TMEM236: variants seen among roughly 807,000 people sequenced by gnomAD.
TMEM236 encodes the protein transmembrane protein 236.
TMEM236 carries 11 observed loss-of-function variants against 14.7 expected under a neutral mutation model. That is an observed-to-expected ratio of 0.75 (90% CI 0.47 to 1.24). The LOEUF (loss-of-function observed/expected upper bound fraction) is 1.24, where lower values mean the gene tolerates loss of function less well. Ranked by LOEUF, TMEM236 falls within the 50% of genes most tolerant of loss-of-function variation. The pLI is 0.00. For synonymous variants in TMEM236, 182 were observed against 168.6 expected (o/e 1.08, Z -0.62); for missense variants, 464 against 427.3 (o/e 1.09, Z -0.76).
At chr10:17,787,501 C>A (rs918712559) in intron 3 of TMEM236, among the ~76,000 whole-genome samples, 3 of 152,234 alleles carry the variant, frequency 2.0e-5, no homozygotes, top group Non-Finnish European at 4.4e-5. Flanking sequence ...CTACGGGAAC[C>A]AGAGTCAATG....
chr10:17,786,223 A>G (rs1233776835), intron 3 of TMEM236, among the ~76,000 whole-genome samples: 2 of 152,248 alleles, frequency 1.3e-5, no homozygotes, highest in Non-Finnish European at 2.9e-5. Flanking sequence ...GTGTTACTTT[A>G]TAATACCAAG....
chr10:17,768,845 A>C (rs1008221764), intron 1 of TMEM236, among the ~76,000 whole-genome samples: 1 of 152,090 alleles, frequency 6.6e-6, no homozygotes, highest in East Asian at 1.9e-4. Flanking sequence ...GACTAGGGTA[A>C]TAAGTTTCAG....
At chr10:17,754,509 T>C (rs1383620098) in intron 1 of TMEM236, among the ~76,000 whole-genome samples, 3 of 151,982 alleles carry the variant, frequency 2.0e-5, no homozygotes, top group African/African-American at 7.3e-5. Context: ...GTGTTTTTTA[T>C]AAAGATGAGG....
Position 17,796,654 on chromosome 10 carries a change from G to GTTT in TMEM236, c.*159_*161dup, listed in dbSNP as rs142466279. 105 of 565,120 alleles carry GTTT rather than the reference G, an allele frequency of 1.9e-4. No individual in the cohort carries two copies. The highest frequency in any genetic ancestry group is 9.5e-4 in the Middle Eastern group (2 of 2,114). 35.0% of individuals were successfully genotyped at this position (565,120 alleles called of 1,614,324 possible). ...CATTTTTACTAACTCTAGCATATCA[G>GTTT]TTTTTTTTTTTACATATACAAATGG... On this transcript the variant is annotated 3_prime_UTR_variant, in exon 4 of 4. Coordinates refer to ENST00000377495, the MANE Select transcript of TMEM236 (RefSeq NM_001098844.3).
At chr10:17,790,526 G>T (rs1837909211) in intron 3 of TMEM236, among the ~76,000 whole-genome samples, 1 of 152,130 alleles carries the variant, frequency 6.6e-6, no homozygotes, top group Admixed American at 6.5e-5. Context: ...AACAGAGTGA[G>T]ACCATGTCTC....
chr10:17,758,640 G>A (rs1589138329), intron 1 of TMEM236, among the ~76,000 whole-genome samples: 1 of 152,186 alleles, frequency 6.6e-6, no homozygotes, highest in African/African-American at 2.4e-5. Flanking sequence ...TTGAATATAA[G>A]TGTTATGACC....
chr10:17,779,986 C>T (rs1014791917), intron 3 of TMEM236, among the ~76,000 whole-genome samples: 5 of 152,128 alleles, frequency 3.3e-5, no homozygotes, highest in Non-Finnish European at 7.3e-5. Flanking sequence ...TTCCTGCCAC[C>T]GAGTTCTAGT....
intron 1 of TMEM236, among the ~76,000 whole-genome samples, chr10:17,757,954 A>C (rs967716611): frequency 1.3e-4 from 20 of 151,928 alleles, no homozygotes; most frequent in Admixed American, 5.9e-4. Context: ...TTTTTAGTAG[A>C]GGCACAGTTT....
At chr10:17,757,435 A>C (rs981821924) in intron 1 of TMEM236, among the ~76,000 whole-genome samples, 1,635 of 138,344 alleles carry the variant, frequency 0.012, 32 homozygotes, top group African/African-American at 0.037. Flanking sequence ...CTGTCTCTAC[A>C]AAAAAATTAA....
At chr10:17,776,373 G>A (rs1049465477) in intron 3 of TMEM236, among the ~76,000 whole-genome samples, 6 of 151,942 alleles carry the variant, frequency 3.9e-5, no homozygotes, top group Admixed American at 1.3e-4. Flanking sequence ...TTTGCTATTC[G>A]CATTTTAGTA....
chr10:17,782,677 C>A (rs990533422), intron 3 of TMEM236, among the ~76,000 whole-genome samples: 1 of 152,088 alleles, frequency 6.6e-6, no homozygotes, highest in Non-Finnish European at 1.5e-5. Flanking sequence ...GTCTTCAACT[C>A]CTGACCTCAA....
At chr10:17,787,264 C>T (rs918625965) in intron 3 of TMEM236, among the ~76,000 whole-genome samples, 8 of 152,232 alleles carry the variant, frequency 5.3e-5, no homozygotes, top group African/African-American at 1.9e-4. Context: ...CGCTGGCACC[C>T]TCTGTGGGGC....
intron 1 of TMEM236, among the ~76,000 whole-genome samples, chr10:17,767,461 A>C (rs1185115286): frequency 6.6e-6 from 1 of 152,214 alleles, no homozygotes; most frequent in Non-Finnish European, 1.5e-5. Context: ...CTCCATCTCA[A>C]AAAATATATA....
At chr10:17,773,156 G>A (rs1837601592) in intron 2 of TMEM236, among the ~76,000 whole-genome samples, 1 of 152,164 alleles carries the variant, frequency 6.6e-6, no homozygotes, top group East Asian at 1.9e-4. Flanking sequence ...CTTTTGGTGT[G>A]CATGAGCAAG....
chr10:17,789,514 T>C (rs964671314), intron 3 of TMEM236, among the ~76,000 whole-genome samples: 2 of 152,246 alleles, frequency 1.3e-5, no homozygotes. Context: ...CACTGTGAGG[T>C]TGATGTCCCA....
chr10:17,771,192 G>T, intron 1 of TMEM236, 117 bp from the exon 2 acceptor site: 1 of 929,176 alleles, frequency 1.1e-6, no homozygotes, highest in Admixed American at 1.8e-5. Flanking sequence ...TAGGGAAGCA[G>T]CAGCTTCTTA....
At chr10:17,791,285 A>G (rs1837919874) in intron 3 of TMEM236, among the ~76,000 whole-genome samples, 2 of 76,544 alleles carry the variant, frequency 2.6e-5, no homozygotes, top group African/African-American at 9.3e-5. Flanking sequence ...GTGTCTCTAT[A>G]AAAAGTAAAA....
At chr10:17,788,408 A>C (rs1337914493) in intron 3 of TMEM236, among the ~76,000 whole-genome samples, 1 of 151,566 alleles carries the variant, frequency 6.6e-6, no homozygotes, top group Non-Finnish European at 1.5e-5. Flanking sequence ...ACACTTGTCG[A>C]GTGTTAGATA....
intron 3 of TMEM236, among the ~76,000 whole-genome samples, chr10:17,781,325 G>T (rs1487383235): frequency 6.6e-6 from 1 of 152,138 alleles, no homozygotes; most frequent in Non-Finnish European, 1.5e-5. Context: ...AGCTTGGTTG[G>T]ATTTCACACC....
Sources: allele counts gnomAD v4.1 joint callset (sites outside exome capture counted in the v4.1 genomes callset), GRCh38; gene constraint gnomAD v4.1.1; transcripts MANE v1.5; gene names NCBI Gene and HGNC (gene_info 2026-07-23, HGNC 2026-07-21).